The following NBAS variants were observed in gnomAD, a reference collection of about 807,000 sequenced individuals.
NBAS encodes NBAS subunit of NRZ tethering complex.
In NBAS, 219 loss-of-function variants were observed where a neutral mutation model predicts 302.5. The ratio of observed to expected loss-of-function variants is 0.72; its 90% CI spans 0.65 to 0.81. The LOEUF is 0.81. NBAS is among the 30% of genes least tolerant of loss of function. The pLI is 0.00. For missense variants in NBAS, 2,932 were observed against 2,841.6 expected, an observed-to-expected ratio of 1.03 and a Z score of -0.72; for synonymous variants, 1,118 against 1,021.6, an observed-to-expected ratio of 1.09 and a Z score of -1.80.
At chr2:15,437,068 T>C (rs1678054665) in intron 21 of NBAS, among the ~76,000 whole-genome samples, 1 of 152,164 alleles carries the variant, frequency 6.6e-6, no homozygotes. Context: ...ATGTTCATAA[T>C]TCTAAATTCC....
the NBAS span, among the ~76,000 whole-genome samples, chr2:14,917,833 C>T: frequency 2.0e-5 from 3 of 152,320 alleles, no homozygotes; most frequent in East Asian, 3.9e-4. Flanking sequence ...AGAACAGCAG[C>T]TCCCTAAGTA....
chr2:15,375,292 A>T (rs1261668674), intron 30 of NBAS, among the ~76,000 whole-genome samples: 2 of 152,242 alleles, frequency 1.3e-5, no homozygotes, highest in Non-Finnish European at 2.9e-5. Context: ...TGGGATTCCC[A>T]TGGAATATTT....
intron 9 of NBAS, among the ~76,000 whole-genome samples, chr2:15,522,857 C>A (rs1037362676): frequency 6.6e-6 from 1 of 152,038 alleles, no homozygotes; most frequent in Non-Finnish European, 1.5e-5. Context: ...TCTATTAACA[C>A]GTTTTATATT....
At chr2:15,211,304 G>A (rs1271837394) in intron 48 of NBAS, among the ~76,000 whole-genome samples, 15 of 152,044 alleles carry the variant, frequency 9.9e-5, no homozygotes, top group Admixed American at 9.8e-4. Flanking sequence ...ATAAAGAAAT[G>A]CAATGTGCAA....
chr2:15,258,844 C>G (rs1668722946), intron 44 of NBAS, among the ~76,000 whole-genome samples: 1 of 152,142 alleles, frequency 6.6e-6, no homozygotes, highest in East Asian at 1.9e-4. Context: ...AGCATGTGAT[C>G]TTTGTGACCT....
the NBAS span, among the ~76,000 whole-genome samples, chr2:14,916,460 C>T: frequency 1.3e-5 from 2 of 151,922 alleles, no homozygotes; most frequent in Non-Finnish European, 2.9e-5. Context: ...TTTTTATTTT[C>T]CTTAAAAAAA....
intron 47 of NBAS, among the ~76,000 whole-genome samples, chr2:15,221,722 C>T (rs1168149382): frequency 6.6e-6 from 1 of 152,068 alleles, no homozygotes; most frequent in Admixed American, 6.5e-5. Context: ...AGACAGAGAA[C>T]AGCAAGAAAA....
chr2:15,133,213 C>A, the NBAS span, among the ~76,000 whole-genome samples: 1 of 152,030 alleles, frequency 6.6e-6, no homozygotes, highest in Non-Finnish European at 1.5e-5. Context: ...AAGTTCACAG[C>A]CTTGTGGAGG....
chr2:15,403,084 A>C (rs545621561), intron 25 of NBAS, among the ~76,000 whole-genome samples: 44 of 151,086 alleles, frequency 2.9e-4, no homozygotes, highest in Non-Finnish European at 5.3e-4. Flanking sequence ...ACAGCAACCA[A>C]AATGAAAGTA....
At chr2:15,441,536 C>T (rs1277431105) in intron 21 of NBAS, among the ~76,000 whole-genome samples, 1 of 152,010 alleles carries the variant, frequency 6.6e-6, no homozygotes, top group Non-Finnish European at 1.5e-5. Flanking sequence ...CAACCGGTAC[C>T]AGCTGCTGCA....
At chr2:15,063,661 G>A in the NBAS span, among the ~76,000 whole-genome samples, 30 of 152,082 alleles carry the variant, frequency 2.0e-4, no homozygotes, top group Non-Finnish European at 3.5e-4. Context: ...GCTGTAATCC[G>A]ATATGACTAG....
chr2:14,800,666 C>A, the NBAS span, among the ~76,000 whole-genome samples: 4 of 151,888 alleles, frequency 2.6e-5, no homozygotes, highest in Admixed American at 1.3e-4. Flanking sequence ...ACCTTAAAGA[C>A]TTATATTTTC....
chr2:15,505,009 A>C (rs1661773715), intron 10 of NBAS, among the ~76,000 whole-genome samples: 1 of 152,162 alleles, frequency 6.6e-6, no homozygotes, highest in South Asian at 2.1e-4. Context: ...CTCCAAAAAA[A>C]TCAAGAACAA....
chr2:15,241,974 C>T (rs1230111192), intron 44 of NBAS, among the ~76,000 whole-genome samples: 5 of 152,168 alleles, frequency 3.3e-5, no homozygotes, highest in Non-Finnish European at 7.3e-5. Context: ...CAAGGAAATG[C>T]TCCTTTCCCT....
At chr2:15,270,154 T>C (rs1295245598) in intron 44 of NBAS, among the ~76,000 whole-genome samples, 3 of 152,196 alleles carry the variant, frequency 2.0e-5, no homozygotes, top group Non-Finnish European at 4.4e-5. Context: ...TATTGGTATT[T>C]TAAAATAAAT....
chr2:15,502,217 G>A (rs1339151616), intron 11 of NBAS, among the ~76,000 whole-genome samples: 1 of 152,160 alleles, frequency 6.6e-6, no homozygotes, highest in African/African-American at 2.4e-5. Flanking sequence ...TCAATAAAAA[G>A]CAGGCATCAT....
At chr2:15,441,460 A>C (rs1213012670) in intron 21 of NBAS, among the ~76,000 whole-genome samples, 1 of 151,908 alleles carries the variant, frequency 6.6e-6, no homozygotes, top group East Asian at 1.9e-4. Context: ...AAATGCTGAG[A>C]GATTTTGTCA....
At chr2:15,340,807 G>A (rs922050942) in intron 35 of NBAS, among the ~76,000 whole-genome samples, 6 of 152,122 alleles carry the variant, frequency 3.9e-5, no homozygotes, top group Admixed American at 1.3e-4. Context: ...AGATGTCCCT[G>A]AAACAAGTAT....
At chr2:15,052,423 C>T in the NBAS span, among the ~76,000 whole-genome samples, 2 of 152,208 alleles carry the variant, frequency 1.3e-5, no homozygotes, top group South Asian at 2.1e-4. Flanking sequence ...ACCCTTTCCT[C>T]AACTTGTACC....
Sources: gnomAD v4.1 joint callset for allele counts (sites outside exome capture counted in the v4.1 genomes callset) on GRCh38, gnomAD v4.1.1 for gene constraint, MANE v1.5 for transcripts, NCBI Gene and HGNC (gene_info 2026-07-23, HGNC 2026-07-21) for gene names.